The following ARHGAP6 variants were observed in gnomAD, a reference collection of about 807,000 sequenced individuals.
ARHGAP6 encodes rho GTPase-activating protein 6.
A neutral mutation model predicts 55.7 loss-of-function variants in ARHGAP6; 16 were observed. That is an observed-to-expected ratio of 0.29 (90% CI 0.19 to 0.44). The LOEUF is 0.44. Among genes scored for constraint, ARHGAP6 ranks in the 20% least tolerant of loss-of-function variants. The pLI, the probability that ARHGAP6 is intolerant of heterozygous loss-of-function variation, is 1.00. For missense variants in ARHGAP6, 698 were observed against 808.9 expected (o/e 0.86, Z 1.66); for synonymous variants, 382 against 360.9 (o/e 1.06, Z -0.66).
intron 1 of ARHGAP6, among the ~76,000 whole-genome samples, chrX:11,362,268 A>C (rs2049022082): frequency 8.9e-6 from 1 of 111,993 alleles, no homozygotes; most frequent in Non-Finnish European, 1.9e-5. Context: ...ATGTCCAACA[A>C]GGATAGACTG....
rs201875323 is a variant in ARHGAP6, at chrX:11,411,183, T to TTATATATATATATATATATATA, written c.589-156498_589-156477dup. Reference sequence around the variant, plus strand: ...GGCCTGTGTCACTGGCAGACATTATTTATATATATATATATATATATATAT... The same window carrying TTATATATATATATATATATATA: ...GGCCTGTGTCACTGGCAGACATTATTTATATATATATATATATATATATATATATATATATATATATATATAT... On this transcript the variant is annotated intron_variant, in intron 1 of 12. Transcript: ENST00000337414. Among the ~76,000 whole-genome samples the TTATATATATATATATATATATA allele has an allele frequency of 7.6e-4, 24 of 31,783 alleles. 1 individual carries two copies. The highest frequency in any genetic ancestry group is 6.6e-3 in the East Asian group (2 of 301). The allele number at this position is 31,783 out of a possible 115,157, so 27.6% of individuals were successfully genotyped here.
chrX:11,194,372 T>C (rs2238897), intron 3 of ARHGAP6, among the ~76,000 whole-genome samples: 49 of 111,756 alleles, frequency 4.4e-4, no homozygotes, highest in African/African-American at 1.6e-3. Flanking sequence ...AAAATTCTTA[T>C]CTAGAAGTTG....
chrX:11,506,177 C>T (rs746114184), intron 1 of ARHGAP6, among the ~76,000 whole-genome samples: 15 of 111,561 alleles, frequency 1.3e-4, no homozygotes, highest in South Asian at 1.1e-3. Flanking sequence ...TCTCTTCAGC[C>T]TTTGTCTTGC....
At chrX:11,507,656 C>T (rs539158294) in intron 1 of ARHGAP6, among the ~76,000 whole-genome samples, 6 of 111,731 alleles carry the variant, frequency 5.4e-5, no homozygotes, top group Middle Eastern at 4.6e-3. Flanking sequence ...AATGACAGGG[C>T]AAGCCATCTG....
At chrX:11,547,334 C>T (rs1001458734) in intron 1 of ARHGAP6, among the ~76,000 whole-genome samples, 6 of 112,192 alleles carry the variant, frequency 5.3e-5, no homozygotes, top group East Asian at 5.6e-4. Flanking sequence ...ATGTGCATAG[C>T]GATCACTTGG....
intron 1 of ARHGAP6, among the ~76,000 whole-genome samples, chrX:11,466,621 C>T (rs1361737219): frequency 1.8e-5 from 2 of 111,360 alleles, no homozygotes; most frequent in Non-Finnish European, 3.8e-5. Flanking sequence ...CCTCCCACCT[C>T]AGCCTCCTGA....
At position 11,463,131 on chromosome X, in the gene ARHGAP6, T is replaced by C. The variant is rs190795906; in HGVS notation, c.588+201110A>G. On this transcript the variant is annotated intron_variant, in intron 1 of 12. Coordinates refer to ENST00000337414, the MANE Select transcript of ARHGAP6 (RefSeq NM_013427.3). ...GGATCCAAAGATCACCTGAGCAGAG[T>C]GGAAGGTGGTGTTGGAGGAGTAGGG... Among the ~76,000 whole-genome samples the C allele has an allele frequency of 5.4e-5, 6 of 111,265 alleles. No homozygotes were observed. The East Asian group carries it at 1.7e-3, about 32-fold the overall frequency.
chrX:11,377,045 T>A (rs1201248912), intron 1 of ARHGAP6, among the ~76,000 whole-genome samples: 1 of 112,182 alleles, frequency 8.9e-6, no homozygotes, highest in Non-Finnish European at 1.9e-5. Flanking sequence ...GGTGCTTTGA[T>A]GGCCTGCAGA....
intron 1 of ARHGAP6, among the ~76,000 whole-genome samples, chrX:11,489,678 T>C (rs1309780918): frequency 8.9e-6 from 1 of 111,910 alleles, no homozygotes; most frequent in African/African-American, 3.2e-5. Context: ...AACTGTATGG[T>C]TTTGACTTAG....
chrX:11,633,203 T>C (rs1248599929), intron 1 of ARHGAP6, among the ~76,000 whole-genome samples: 3 of 112,182 alleles, frequency 2.7e-5, no homozygotes, highest in Non-Finnish European at 5.6e-5. Flanking sequence ...ACCTAAAACA[T>C]ATGCAATTGT....
chrX:11,216,484 T>C (rs921071108), intron 2 of ARHGAP6, among the ~76,000 whole-genome samples: 4 of 111,318 alleles, frequency 3.6e-5, no homozygotes, highest in Admixed American at 9.5e-5. Context: ...TGAAACCCTG[T>C]CTCACCAAAA....
At chrX:11,495,288 T>C (rs769141891) in intron 1 of ARHGAP6, among the ~76,000 whole-genome samples, 7 of 110,636 alleles carry the variant, frequency 6.3e-5, no homozygotes, top group South Asian at 3.9e-4. Context: ...TGGCAGAGAC[T>C]TACCTCCTAC....
At chrX:11,552,590 A>ATATATATG (rs2051280044) in intron 1 of ARHGAP6, among the ~76,000 whole-genome samples, 1 of 68,079 alleles carries the variant, frequency 1.5e-5, no homozygotes, top group Non-Finnish European at 2.8e-5. Flanking sequence ...ATATATATAT[A>ATATATATG]TATATATATA....
At chrX:11,506,691 A>T (rs1222586661) in intron 1 of ARHGAP6, among the ~76,000 whole-genome samples, 1 of 111,914 alleles carries the variant, frequency 8.9e-6, no homozygotes, top group Non-Finnish European at 1.9e-5. Context: ...ATAGTGCCGC[A>T]ATAAACATAC....
chrX:11,398,097 AC>A (rs2049500657), intron 1 of ARHGAP6, among the ~76,000 whole-genome samples: 3 of 110,426 alleles, frequency 2.7e-5, no homozygotes, highest in African/African-American at 9.9e-5. Context: ...ATGGGCTTAC[AC>A]TACCTGGTGA....
intron 1 of ARHGAP6, among the ~76,000 whole-genome samples, chrX:11,313,746 T>C (rs908005148): frequency 1.8e-5 from 2 of 112,423 alleles, no homozygotes; most frequent in African/African-American, 3.2e-5. Context: ...ATTTTTATAA[T>C]CTAGCATCAT....
At chrX:11,547,703 C>T (rs1299014517) in intron 1 of ARHGAP6, among the ~76,000 whole-genome samples, 1 of 112,101 alleles carries the variant, frequency 8.9e-6, no homozygotes, top group Admixed American at 9.4e-5. Context: ...AACAGGGTCA[C>T]AATAATTGCT....
chrX:11,623,176 TA>T, intron 1 of ARHGAP6, among the ~76,000 whole-genome samples: 1 of 111,501 alleles, frequency 9.0e-6, no homozygotes, highest in Non-Finnish European at 1.9e-5. Context: ...AAAGACTCTT[TA>T]AAAAAATCCT....
At chrX:11,522,720 C>A (rs193032553) in intron 1 of ARHGAP6, among the ~76,000 whole-genome samples, 34 of 111,241 alleles carry the variant, frequency 3.1e-4, no homozygotes, top group South Asian at 2.7e-3. Flanking sequence ...CAATAACAGG[C>A]TCTGAAATTG....
Sources: allele counts gnomAD v4.1 joint callset (sites outside exome capture counted in the v4.1 genomes callset), GRCh38; gene constraint gnomAD v4.1.1; transcripts MANE v1.5; gene names NCBI Gene and HGNC (gene_info 2026-07-23, HGNC 2026-07-21).